Variants in LAMTOR3 observed in about 807,000 individuals in gnomAD.
LAMTOR3 encodes late endosomal/lysosomal adaptor, MAPK and MTOR activator 3, also known as ragulator complex protein LAMTOR3.
In LAMTOR3, 14 loss-of-function variants were observed where a neutral mutation model predicts 20.3. The observed-to-expected ratio is 0.69, with a 90% CI of 0.46 to 1.08. LAMTOR3 has a LOEUF of 1.08. Ranked by LOEUF, LAMTOR3 falls within the 50% of genes least tolerant of loss-of-function variation. The pLI is 0.00. For synonymous variants in LAMTOR3, 40 were observed against 49.4 expected, an observed-to-expected ratio of 0.81 and a Z score of 0.80; for missense variants, 125 against 143.7, an observed-to-expected ratio of 0.87 and a Z score of 0.67.
In LAMTOR3 at chr4:99,887,294, A is replaced by G; in HGVS notation, c.103+2T>C. 1 of 1,559,994 alleles carries G rather than the reference A, an allele frequency of 6.4e-7. No individual in the cohort carries two copies. Among genetic ancestry groups the G allele is most frequent in the South Asian group, 1.2e-5 (1 of 83,338 alleles). Reference sequence around the variant, plus strand: ...CATTTGCATTTAAATGTTCAGTTTTACCTTTAATAACAGGTACTCCATCTC... The same window carrying G: ...CATTTGCATTTAAATGTTCAGTTTTGCCTTTAATAACAGGTACTCCATCTC... On this transcript the variant is annotated splice_donor_variant, in intron 4 of 6. Transcript: ENST00000499666. LOFTEE classifies it high-confidence loss of function.
At position 99,881,917 on chromosome 4, in the gene LAMTOR3, A is replaced by C; in HGVS notation, c.*77T>G. 1.0e-6 allele frequency: 1 copy of C among 990,652 alleles called. No homozygotes were observed. The highest frequency in any genetic ancestry group is 1.6e-6 in the Non-Finnish European group (1 of 632,558). 61.4% of individuals were successfully genotyped at this position (990,652 alleles called of 1,614,324 possible). On this transcript the variant is annotated 3_prime_UTR_variant, in exon 7 of 7. Transcript: ENST00000499666. The stretch of plus-strand genomic sequence containing the variant: ...TCTTGAGCACATGGATAAAAGTATT[A>C]TTGTAGTCTAAAGATTGCTGGATTG...
In LAMTOR3 at chr4:99,890,074, C is replaced by T. The variant is rs540416099; in HGVS notation, c.44+1926G>A. ...TACTAATAATTAAAAATAACTGGCTCATTAAGAGATACTACACTTTTAGAA... is the reference window on the plus strand; with the variant it reads ...TACTAATAATTAAAAATAACTGGCTTATTAAGAGATACTACACTTTTAGAA... On this transcript the variant is annotated intron_variant, in intron 3 of 6. Coordinates refer to ENST00000499666, the MANE Select transcript of LAMTOR3 (RefSeq NM_021970.4). 1.6e-4 allele frequency among the ~76,000 whole-genome samples: 24 copies of T among 152,184 alleles called. No homozygotes were observed. In the East Asian group the frequency reaches 4.4e-3, roughly 28 times the overall value.
chr4:99,888,764 C>G (rs1724972828), intron 3 of LAMTOR3, among the ~76,000 whole-genome samples: 1 of 152,064 alleles, frequency 6.6e-6, no homozygotes, highest in South Asian at 2.1e-4. Flanking sequence ...ATGTTACAAA[C>G]AAAATCATTT....
rs778476302 is a variant in LAMTOR3, at chr4:99,881,991, AGATT to A, written c.374_*2del. The A allele has an allele frequency of 3.1e-6, 5 of 1,595,450 alleles. No individual in the cohort carries two copies. Among genetic ancestry groups the A allele is most frequent in the Non-Finnish European group, 4.3e-6 (5 of 1,166,692 alleles). On this transcript the variant is annotated stop_lost and 3_prime_UTR_variant, in exon 7 of 7. Transcript: ENST00000499666. Reference sequence around the variant, plus strand: ...TAAGGTACACACTGAAACCACTGTCAGATTAAGAAACTTCCACAACTTGTCTCAG... The same window carrying A: ...TAAGGTACACACTGAAACCACTGTCAAAGAAACTTCCACAACTTGTCTCAG...
chr4:99,892,686 T>TTTC (rs1250601273), intron 2 of LAMTOR3, among the ~76,000 whole-genome samples: 1 of 151,884 alleles, frequency 6.6e-6, no homozygotes, highest in Non-Finnish European at 1.5e-5. Flanking sequence ...CAACATTTTT[T>TTTC]TTTTTTTTTG....
At chr4:99,894,070 G>T in intron 1 of LAMTOR3, 70 bp from the exon 2 acceptor site, 1 of 1,011,548 alleles carries the variant, frequency 9.9e-7, no homozygotes, top group Non-Finnish European at 1.4e-6. Flanking sequence ...AACTTAATAC[G>T]CGAGATCAGC....
At chr4:99,891,521 T>C (rs1725022153) in intron 3 of LAMTOR3, among the ~76,000 whole-genome samples, 1 of 152,202 alleles carries the variant, frequency 6.6e-6, no homozygotes, top group Non-Finnish European at 1.5e-5. Context: ...TGTTGATGGT[T>C]GGTCACTGTG....
At chr4:99,888,600 G>C (rs184726993) in intron 3 of LAMTOR3, among the ~76,000 whole-genome samples, 2 of 152,218 alleles carry the variant, frequency 1.3e-5, no homozygotes, top group Admixed American at 6.5e-5. Context: ...CAGCAACCCG[G>C]AATGATCTAT....
chr4:99,879,644 T>C lies in LAMTOR3; in HGVS notation c.*2350A>G, dbSNP rs557763013. The C allele has an allele frequency of 4.6e-5, 7 of 152,250 alleles. No homozygotes were observed. The highest frequency in any genetic ancestry group is 1.7e-4 in the African/African-American group (7 of 41,516). The allele number at this position is 152,250 out of a possible 1,614,324, so 9.4% of individuals were successfully genotyped here. ...ACTACAGTCATGTGTTACGTAACAA[T>C]GTGGATACATTTCGAGACATGCTTT... is the stretch of plus-strand genomic sequence containing the variant. On this transcript the variant is annotated 3_prime_UTR_variant, in exon 7 of 7. Coordinates refer to ENST00000499666, the MANE Select transcript of LAMTOR3 (RefSeq NM_021970.4).
intron 3 of LAMTOR3, among the ~76,000 whole-genome samples, chr4:99,889,334 G>A (rs1211197721): frequency 6.6e-6 from 1 of 152,122 alleles, no homozygotes; most frequent in African/African-American, 2.4e-5. Flanking sequence ...AACATCATTT[G>A]AAACAGTAAA....
At chr4:99,889,341 TAAA>T (rs1724983126) in intron 3 of LAMTOR3, among the ~76,000 whole-genome samples, 2 of 152,138 alleles carry the variant, frequency 1.3e-5, no homozygotes, top group African/African-American at 4.8e-5. Context: ...TTTGAAACAG[TAAA>T]GCATTACAAA....
chr4:99,891,856 A>C, intron 3 of LAMTOR3, 144 bp downstream of exon 3: 1 of 1,353,980 alleles, frequency 7.4e-7, no homozygotes, highest in African/African-American at 1.5e-5. Context: ...AAAATTTTCC[A>C]GAGGACGTGA....
At chr4:99,882,406 G>T (rs1222513891) in intron 6 of LAMTOR3, among the ~76,000 whole-genome samples, 2 of 151,950 alleles carry the variant, frequency 1.3e-5, no homozygotes, top group African/African-American at 4.8e-5. Flanking sequence ...TCAAATTTTT[G>T]GATTAGGGAT....
chr4:99,885,752 A>G lies in LAMTOR3; in HGVS notation c.104-77T>C, dbSNP rs1234781332. 7.3e-6 allele frequency: 9 copies of G among 1,237,048 alleles called. No individual in the cohort carries two copies. The East Asian group carries it at 2.3e-4, about 31-fold the overall frequency. 76.6% of individuals were successfully genotyped at this position (1,237,048 alleles called of 1,614,324 possible). A position where few individuals can be genotyped will look rare whatever the true frequency, so the allele number is the denominator to read the frequency against. On this transcript the variant is annotated intron_variant, in intron 4 of 6. Transcript: ENST00000499666. ...GATTTACAGCCCTTTTTTTTCATAA[A>G]CCTCTTTTTAAAATTGAACACAAAG...
chr4:99,893,823 T>TA (rs1395018469), intron 2 of LAMTOR3, 132 bp downstream of exon 2: 12 of 597,156 alleles, frequency 2.0e-5, no homozygotes, highest in African/African-American at 3.8e-5. Context: ...TCAGAGAAAA[T>TA]AATTAACTGG....
At chr4:99,894,239 AG>A in intron 1 of LAMTOR3, 95 bp downstream of exon 1, 1 of 369,324 alleles carries the variant, frequency 2.7e-6, no homozygotes. Context: ...CTAGGCCCAA[AG>A]AAAAGAAGAG....
At chr4:99,890,890 A>G (rs1725010003) in intron 3 of LAMTOR3, among the ~76,000 whole-genome samples, 1 of 152,228 alleles carries the variant, frequency 6.6e-6, no homozygotes, top group South Asian at 2.1e-4. Context: ...TTACACAGAC[A>G]GCTTCATCAT....
intron 2 of LAMTOR3, 66 bp downstream of exon 2, chr4:99,893,889 C>T: frequency 7.6e-7 from 1 of 1,307,684 alleles, no homozygotes; most frequent in Non-Finnish European, 1.0e-6. Flanking sequence ...TTCTACCTCT[C>T]CCCGCTCAGT....
intron 3 of LAMTOR3, 82 bp downstream of exon 3, chr4:99,891,918 A>G: frequency 2.6e-6 from 4 of 1,511,818 alleles, no homozygotes; most frequent in Non-Finnish European, 3.5e-6. Context: ...ACTTCACAAC[A>G]TGGAAAATAC....
Sources: allele counts gnomAD v4.1 joint callset (sites outside exome capture counted in the v4.1 genomes callset), GRCh38; gene constraint gnomAD v4.1.1; transcripts MANE v1.5; gene names NCBI Gene and HGNC (gene_info 2026-07-23, HGNC 2026-07-21).